PLP1: variants seen among roughly 807,000 people sequenced by gnomAD.
The protein encoded by PLP1 is myelin proteolipid protein.
PLP1 carries 2 observed loss-of-function variants against 18.5 expected under a neutral mutation model. The observed-to-expected ratio is 0.11, with a 90% CI of 0.04 to 0.34. The LOEUF is 0.34. Among genes scored for constraint, PLP1 ranks in the 10% least tolerant of loss-of-function variants. The probability of loss-of-function intolerance (pLI) is 1.00; values close to 1 mark genes in which losing one functional copy is unlikely to be tolerated. For synonymous variants in PLP1, 86 were observed against 83.2 expected, an observed-to-expected ratio of 1.03 and a Z score of -0.19; for missense variants, 105 against 207.3, an observed-to-expected ratio of 0.51 and a Z score of 3.03.
chrX:103,784,578 C>A (rs1308627988), intron 1 of PLP1, among the ~76,000 whole-genome samples: 1 of 112,006 alleles, frequency 8.9e-6, no homozygotes, highest in African/African-American at 3.2e-5. Flanking sequence ...GCATTCTTTG[C>A]AACAAATACA....
intron 1 of PLP1, among the ~76,000 whole-genome samples, chrX:103,782,405 A>G (rs2074460845): frequency 8.9e-6 from 1 of 111,950 alleles, no homozygotes; most frequent in Admixed American, 9.5e-5. Flanking sequence ...TAGAGGAAAA[A>G]TGGATGTAAA....
At position 103,785,626 on chromosome X, in the gene PLP1, G is replaced by A. The variant is rs797045890; in HGVS notation, c.49G>A (p.Ala17Thr). Residue 17 changes from alanine to threonine, a missense_variant, in exon 2 of 7, where the codon GCT becomes ACT. Transcript: ENST00000621218. ...CARCLVGAPF[A>T]SLVATGLCFF... ...AAGATGTCTGGTAGGGGCCCCCTTT[G>A]CTTCCCTGGTGGCCACTGGATTGTG... 2 of 1,210,675 alleles carry A rather than the reference G, an allele frequency of 1.7e-6. No individual in the cohort carries two copies. The highest frequency in any genetic ancestry group is 2.3e-4 in the Middle Eastern group (1 of 4,345).
chrX:103,777,550 G>T (rs2074420208), intron 1 of PLP1, among the ~76,000 whole-genome samples: 1 of 112,221 alleles, frequency 8.9e-6, no homozygotes, highest in Non-Finnish European at 1.9e-5. Context: ...CTTGACCATG[G>T]GAAACAGATA....
chrX:103,787,081 A>G, intron 3 of PLP1: 1 of 245,059 alleles, frequency 4.1e-6, no homozygotes, highest in South Asian at 8.9e-5. Context: ...AATGCTGCTC[A>G]TGTGATTGAG....
At chrX:103,786,843 A>G in intron 3 of PLP1, 117 bp downstream of exon 3, 1 of 770,643 alleles carries the variant, frequency 1.3e-6, no homozygotes, top group Non-Finnish European at 2.0e-6. Context: ...CATTTGAGTG[A>G]GGAAGCGATG....
chrX:103,779,451 A>G lies in PLP1; in HGVS notation c.4+2452A>G, dbSNP rs185146146. On this transcript the variant is annotated intron_variant, in intron 1 of 6. Transcript: ENST00000621218. Reference sequence around the variant, plus strand: ...CTAACTGAGTCCCATCAAAATGGCAAGAATGCCCCAAGAATACCAGGAGCC... The same window carrying G: ...CTAACTGAGTCCCATCAAAATGGCAGGAATGCCCCAAGAATACCAGGAGCC... 1.5e-3 allele frequency among the ~76,000 whole-genome samples: 166 copies of G among 112,105 alleles called. 1 individual carries two copies. Among genetic ancestry groups the G allele is most frequent in the African/African-American group, 5.1e-3 (158 of 30,862 alleles).
At chrX:103,778,348 G>T (rs2074427103) in intron 1 of PLP1, among the ~76,000 whole-genome samples, 2 of 112,030 alleles carry the variant, frequency 1.8e-5, no homozygotes, top group African/African-American at 6.5e-5. Context: ...TTCCAGGGTG[G>T]TTGGGTTTTC....
chrX:103,784,546 T>C (rs1397028271), intron 1 of PLP1, among the ~76,000 whole-genome samples: 1 of 112,060 alleles, frequency 8.9e-6, no homozygotes, highest in African/African-American at 3.2e-5. Flanking sequence ...GCTCCTCCCA[T>C]ATGTAAACTA....
rs918848759 is a variant in PLP1 at position 103,791,663 on chromosome X, C to T, written c.*1065C>T. The T allele has an allele frequency of 2.7e-5, 3 of 112,876 alleles. No homozygotes were observed. Among genetic ancestry groups the T allele is most frequent in the African/African-American group, 9.7e-5 (3 of 31,004 alleles). The allele number at this position is 112,876 out of a possible 1,213,427, so 9.3% of individuals were successfully genotyped here. A position where few individuals can be genotyped will look rare whatever the true frequency, so the allele number is the denominator to read the frequency against. On this transcript the variant is annotated 3_prime_UTR_variant, in exon 7 of 7. Transcript: ENST00000621218. ...TCTTGATTTGTTTTAGAATGATGCA[C>T]ATTTCATGTATTCCAGTTTGTTTAT... is the stretch of plus-strand genomic sequence containing the variant.
intron 1 of PLP1, chrX:103,780,784 ATTG>A (rs1177650267): frequency 3.6e-5 from 4 of 112,481 alleles, no homozygotes; most frequent in Non-Finnish European, 7.5e-5. Context: ...CCTCTTGATA[ATTG>A]TTGTTTTACT....
At chrX:103,786,903 A>G in intron 3 of PLP1, 177 bp downstream of exon 3, 1 of 499,526 alleles carries the variant, frequency 2.0e-6, no homozygotes, top group Non-Finnish European at 3.5e-6. Flanking sequence ...CAGCTGGCTT[A>G]GCCTCACCTT....
At chrX:103,778,021 AAC>A (rs1289627412) in intron 1 of PLP1, among the ~76,000 whole-genome samples, 1 of 112,201 alleles carries the variant, frequency 8.9e-6, no homozygotes, top group Non-Finnish European at 1.9e-5. Context: ...TTCATCATGA[AAC>A]ACAGAGAGAA....
chrX:103,786,821 C>T (rs2074501798), intron 3 of PLP1, 95 bp downstream of exon 3: 2 of 932,650 alleles, frequency 2.1e-6, no homozygotes, highest in Non-Finnish European at 3.1e-6. Context: ...TGGGTCCTCT[C>T]TAGGGGCCTG....
rs771605929 is a variant in PLP1 at position 103,788,840 on chromosome X, A to G, written c.696+330A>G. 22 of 319,066 alleles carry G rather than the reference A, an allele frequency of 6.9e-5. No individual in the cohort carries two copies. In the South Asian group the frequency reaches 8.0e-4, roughly 12 times the overall value. 26.3% of individuals were successfully genotyped at this position (319,066 alleles called of 1,213,427 possible). A position where few individuals can be genotyped will look rare whatever the true frequency, so the allele number is the denominator to read the frequency against. On this transcript the variant is annotated intron_variant, in intron 5 of 6. Coordinates refer to ENST00000621218, the MANE Select transcript of PLP1 (RefSeq NM_000533.5). ...TTTAGTTAAAAACCATATCAAGAAAATGGGCTGTGCACAGAGGCATTCATA... is the reference window on the plus strand; with the variant it reads ...TTTAGTTAAAAACCATATCAAGAAAGTGGGCTGTGCACAGAGGCATTCATA...
At chrX:103,781,418 G>T in intron 1 of PLP1, 1 of 253,200 alleles carries the variant, frequency 3.9e-6, no homozygotes, top group Non-Finnish European at 8.0e-6. Flanking sequence ...CTTGTTTTGG[G>T]AGTTTGTATA....
At chrX:103,784,587 C>G (rs1290500157) in intron 1 of PLP1, among the ~76,000 whole-genome samples, 2 of 111,989 alleles carry the variant, frequency 1.8e-5, no homozygotes, top group South Asian at 7.4e-4. Context: ...GCAACAAATA[C>G]ACACGATGCT....
At chrX:103,788,348 G>C (rs940854959) in intron 4 of PLP1, 89 bp from the exon 5 acceptor site, 4 of 667,650 alleles carry the variant, frequency 6.0e-6, no homozygotes, top group Non-Finnish European at 1.0e-5. Context: ...AGGATAATTA[G>C]AGATGGAAGA....
chrX:103,777,132 C>T (rs1371250873), intron 1 of PLP1, 133 bp downstream of exon 1: 1 of 564,748 alleles, frequency 1.8e-6, no homozygotes, highest in African/African-American at 2.3e-5. Flanking sequence ...TTTTTAAATT[C>T]CTTAACATTC....
chrX:103,788,936 A>G (rs1425297137), intron 5 of PLP1: 1 of 279,516 alleles, frequency 3.6e-6, no homozygotes, highest in African/African-American at 2.7e-5. Context: ...TACATTTGAA[A>G]GGGAAAGCAC....
Sources: allele counts gnomAD v4.1 joint callset (sites outside exome capture counted in the v4.1 genomes callset), GRCh38; gene constraint gnomAD v4.1.1; transcripts MANE v1.5; gene names NCBI Gene and HGNC (gene_info 2026-07-23, HGNC 2026-07-21).